Variants in FHOD3 observed in about 807,000 individuals in gnomAD.
The protein encoded by FHOD3 is FH1/FH2 domain-containing protein 3.
A neutral mutation model predicts 173.0 loss-of-function variants in FHOD3; 90 were observed. The ratio of observed to expected loss-of-function variants is 0.52; its 90% confidence interval spans 0.44 to 0.62. The LOEUF is 0.62. Ranked by LOEUF, FHOD3 falls within the 20% of genes least tolerant of loss-of-function variation. The pLI, the probability that FHOD3 is intolerant of heterozygous loss-of-function variation, is 0.00. For synonymous variants in FHOD3, 828 were observed against 823.0 expected, an observed-to-expected ratio of 1.01 and a Z score of -0.10; for missense variants, 1,945 against 2,034.7, an observed-to-expected ratio of 0.96 and a Z score of 0.85.
At chr18:36,682,533 G>A (rs2149409426) in intron 15 of FHOD3, among the ~76,000 whole-genome samples, 1 of 152,264 alleles carries the variant, frequency 6.6e-6, no homozygotes, top group South Asian at 2.1e-4. Context: ...TACAAGGAAT[G>A]TAAGGCATTG....
At chr18:36,715,535 T>C (rs2040401946) in intron 18 of FHOD3, among the ~76,000 whole-genome samples, 1 of 152,234 alleles carries the variant, frequency 6.6e-6, no homozygotes, top group Non-Finnish European at 1.5e-5. Flanking sequence ...GTAACATTCC[T>C]GATCATTCCT....
Position 36,501,965 on chromosome 18 carries a change from G to A in FHOD3, c.371G>A (p.Arg124Lys), listed in dbSNP as rs548622593. ...KLYNSSGRDL[R>K]RALFSLKQIF... ...TACAACTCCAGCGGACGAGATTTGA[G>A]AAGGGCCCTCTTCTCCCTGAAGCAG... The change falls in exon 4 of 29, where the codon AGA becomes AAA. Residue 124 changes from arginine (R) to lysine (K), a missense_variant. By Grantham distance (26) the Arg-to-Lys change is conservative. This residue lies in a region of FHOD3 where 245 missense variants were observed against 267.7 expected (regional missense o/e 0.92). Transcript: ENST00000590592. 8.7e-6 allele frequency: 14 copies of A among 1,607,152 alleles called. No homozygotes were observed. Among genetic ancestry groups the A allele is most frequent in the Admixed American group, 5.0e-5 (3 of 59,608 alleles).
At position 36,372,713 on chromosome 18, in the gene FHOD3, G is replaced by A. The variant is rs373704703; in HGVS notation, c.306G>A (p.Thr102=). The change falls in exon 3 of 29, where the codon ACG becomes ACA. Residue 102 remains threonine (T), a synonymous_variant. Coordinates refer to ENST00000590592, the MANE Select transcript of FHOD3 (RefSeq NM_001281740.3). ...RGKKHSIILR[T]QLSVRVHACI... is the part of the protein sequence containing the mutation. ...AGAAGCACAGCATCATCCTAAGGAC[G>A]CAGCTGTCTGTGAGGGTCCATGCCT... 7 of 1,614,002 alleles carry A rather than the reference G, an allele frequency of 4.3e-6. No individual in the cohort carries two copies. Among genetic ancestry groups the A allele is most frequent in the Admixed American group, 3.3e-5 (2 of 60,006 alleles).
intron 3 of FHOD3, among the ~76,000 whole-genome samples, chr18:36,399,458 T>C (rs931925137): frequency 1.3e-5 from 2 of 152,208 alleles, no homozygotes; most frequent in African/African-American, 2.4e-5. Context: ...ATGTGTCTTT[T>C]GTTTTGCAAT....
At position 36,509,649 on chromosome 18, in the gene FHOD3, A is replaced by T. The variant is rs140609768; in HGVS notation, c.406-2789A>T. Among the ~76,000 whole-genome samples, 380 of 152,290 alleles carry T rather than the reference A, an allele frequency of 2.5e-3. 2 individuals are homozygous for T. The highest frequency in any genetic ancestry group is 0.014 in the Middle Eastern group (4 of 292). On this transcript the variant is annotated intron_variant, in intron 4 of 28. Coordinates refer to ENST00000590592, the MANE Select transcript of FHOD3 (RefSeq NM_001281740.3). Reference sequence around the variant, plus strand: ...TTAATGTGGCAGGGGAACAGGTAGGATGATCAATGAAATAGGGTTGGTATG... The same window carrying T: ...TTAATGTGGCAGGGGAACAGGTAGGTTGATCAATGAAATAGGGTTGGTATG...
At chr18:36,519,698 A>T (rs1413665291) in intron 5 of FHOD3, among the ~76,000 whole-genome samples, 1 of 152,062 alleles carries the variant, frequency 6.6e-6, no homozygotes, top group Non-Finnish European at 1.5e-5. Flanking sequence ...TCCTTTGTAC[A>T]CCCTCTGTTC....
rs149392457 is a variant in FHOD3, at chr18:36,309,711, A to C, written c.165+11711A>C. ...TCAGCAGCACCATGTGCCTGGGAGC[A>C]GGGAAAGGAGAGCTGTTGGGCAGTC... On this transcript the variant is annotated intron_variant, in intron 1 of 28. Transcript: ENST00000590592. 2.5e-3 allele frequency among the ~76,000 whole-genome samples: 378 copies of C among 152,362 alleles called. 2 individuals are homozygous for C. Among genetic ancestry groups the C allele is most frequent in the African/African-American group, 8.7e-3 (363 of 41,582 alleles).
chr18:36,402,504 T>TACACACAC (rs1260547836), intron 3 of FHOD3, among the ~76,000 whole-genome samples: 2 of 102,576 alleles, frequency 1.9e-5, no homozygotes, highest in Non-Finnish European at 4.0e-5. Flanking sequence ...GTGATGCAAT[T>TACACACAC]ATACACACAC....
At chr18:36,638,729 G>T (rs998240215) in intron 10 of FHOD3, among the ~76,000 whole-genome samples, 1 of 152,160 alleles carries the variant, frequency 6.6e-6, no homozygotes, top group African/African-American at 2.4e-5. Flanking sequence ...ATGCCTTAAG[G>T]ATGCGAATCT....
intron 10 of FHOD3, among the ~76,000 whole-genome samples, chr18:36,628,506 C>T (rs2034278437): frequency 6.6e-6 from 1 of 152,176 alleles, no homozygotes; most frequent in Non-Finnish European, 1.5e-5. Context: ...CAGCTATGTG[C>T]TTTAATTCTA....
chr18:36,405,171 C>T (rs1402163491), intron 3 of FHOD3, among the ~76,000 whole-genome samples: 2 of 152,194 alleles, frequency 1.3e-5, no homozygotes, highest in African/African-American at 4.8e-5. Context: ...GGACATGTGG[C>T]TGAAAGTTCA....
intron 5 of FHOD3, among the ~76,000 whole-genome samples, chr18:36,551,868 G>A (rs947707408): frequency 7.9e-5 from 12 of 152,078 alleles, no homozygotes; most frequent in Non-Finnish European, 1.2e-4. Context: ...CTCTGTTTTG[G>A]TACCAGTACC....
At chr18:36,576,621 T>C (rs2058665174) in intron 6 of FHOD3, 76 bp downstream of exon 6, 2 of 1,184,412 alleles carry the variant, frequency 1.7e-6, no homozygotes, top group African/African-American at 1.5e-5. Flanking sequence ...GAGTCAGTTT[T>C]GCAGAAAGAA....
chr18:36,386,649 C>G (rs570355054), intron 3 of FHOD3, among the ~76,000 whole-genome samples: 7 of 152,284 alleles, frequency 4.6e-5, no homozygotes, highest in South Asian at 4.1e-4. Flanking sequence ...CCTGGAACAG[C>G]CCATGCCAGG....
At chr18:36,602,922 G>A (rs1276748310) in intron 8 of FHOD3, among the ~76,000 whole-genome samples, 154 bp downstream of exon 8, 1 of 152,158 alleles carries the variant, frequency 6.6e-6, no homozygotes, top group Non-Finnish European at 1.5e-5. Context: ...GCATGACTGT[G>A]TTCTTATAAG....
intron 1 of FHOD3, among the ~76,000 whole-genome samples, chr18:36,299,661 C>T (rs1156330634): frequency 6.6e-6 from 1 of 152,194 alleles, no homozygotes; most frequent in African/African-American, 2.4e-5. Flanking sequence ...AATCCTGATG[C>T]TCCTCCACTG....
chr18:36,452,475 C>G (rs1433506839), intron 3 of FHOD3, among the ~76,000 whole-genome samples: 3 of 152,170 alleles, frequency 2.0e-5, no homozygotes, highest in African/African-American at 7.2e-5. Flanking sequence ...AAGATCTATC[C>G]TTTTAACAAT....
At chr18:36,726,652 A>T (rs1385716199) in intron 19 of FHOD3, among the ~76,000 whole-genome samples, 2 of 152,166 alleles carry the variant, frequency 1.3e-5, no homozygotes, top group African/African-American at 4.8e-5. Flanking sequence ...AAAGGAATGC[A>T]CTAAGGAAAA....
At chr18:36,598,978 A>G (rs1184248099) in intron 7 of FHOD3, among the ~76,000 whole-genome samples, 1 of 152,234 alleles carries the variant, frequency 6.6e-6, no homozygotes, top group Non-Finnish European at 1.5e-5. Context: ...CCACTGGATC[A>G]TCTTCTCTTT....
Sources: allele counts gnomAD v4.1 joint callset (sites outside exome capture counted in the v4.1 genomes callset), GRCh38; gene constraint gnomAD v4.1.1; regional missense constraint gnomAD v4.1.1; transcripts MANE v1.5; gene names NCBI Gene and HGNC (gene_info 2026-07-23, HGNC 2026-07-21).